Variants in HIPK2 observed in about 807,000 individuals in gnomAD.
The protein encoded by HIPK2 is homeodomain interacting protein kinase 2, also known as homeodomain-interacting protein kinase 2.
HIPK2 carries 27 observed loss-of-function variants against 113.7 expected under a neutral mutation model. The observed-to-expected ratio is 0.24, with a 90% CI of 0.17 to 0.33. HIPK2 has a LOEUF of 0.33. Ranked by LOEUF, HIPK2 falls within the 10% of genes least tolerant of loss-of-function variation. The pLI, the probability that HIPK2 is intolerant of heterozygous loss-of-function variation, is 1.00. For synonymous variants in HIPK2, 631 were observed against 642.2 expected (o/e 0.98, Z 0.26); for missense variants, 1,257 against 1,588.0 (o/e 0.79, Z 3.54).
intron 12 of HIPK2, among the ~76,000 whole-genome samples, chr7:139,587,690 G>GC (rs1213664375): frequency 1.3e-5 from 2 of 151,778 alleles, no homozygotes; most frequent in African/African-American, 4.8e-5. Context: ...AGCAGCCTGG[G>GC]CAACACAGTG....
At chr7:139,638,860 T>A (rs1357656268) in intron 2 of HIPK2, among the ~76,000 whole-genome samples, 1 of 152,124 alleles carries the variant, frequency 6.6e-6, no homozygotes, top group Non-Finnish European at 1.5e-5. Context: ...GGTTTCACCA[T>A]GTTAGCTAGG....
chr7:139,720,956 T>C (rs949703342), intron 1 of HIPK2, among the ~76,000 whole-genome samples: 2 of 152,164 alleles, frequency 1.3e-5, no homozygotes, highest in East Asian at 1.9e-4. Context: ...TTATTTGTTA[T>C]TGGGATGACA....
At chr7:139,627,562 G>C (rs1346296750) in intron 5 of HIPK2, among the ~76,000 whole-genome samples, 2 of 152,126 alleles carry the variant, frequency 1.3e-5, no homozygotes, top group Non-Finnish European at 2.9e-5. Context: ...CTTGTTTTGT[G>C]GTGATTTCTG....
chr7:139,616,147 C>T (rs1250572996), intron 7 of HIPK2, among the ~76,000 whole-genome samples: 2 of 152,130 alleles, frequency 1.3e-5, no homozygotes, highest in Non-Finnish European at 2.9e-5. Context: ...AACTTCTGCT[C>T]GGTGGTTCCA....
At chr7:139,747,262 C>T (rs2117097321) in intron 1 of HIPK2, among the ~76,000 whole-genome samples, 1 of 152,288 alleles carries the variant, frequency 6.6e-6, no homozygotes, top group East Asian at 1.9e-4. Flanking sequence ...GTGGCTGAGC[C>T]TCAGTAGCTT....
chr7:139,601,275 TA>T (rs1445153378), intron 10 of HIPK2, among the ~76,000 whole-genome samples: 2 of 151,904 alleles, frequency 1.3e-5, no homozygotes, highest in African/African-American at 4.8e-5. Flanking sequence ...CTTAATTTTA[TA>T]AAAAAAATTT....
chr7:139,698,327 C>T (rs1417815840), intron 2 of HIPK2, among the ~76,000 whole-genome samples: 1 of 152,138 alleles, frequency 6.6e-6, no homozygotes, highest in African/African-American at 2.4e-5. Flanking sequence ...CATTGTATGT[C>T]TATACCACCA....
intron 7 of HIPK2, among the ~76,000 whole-genome samples, chr7:139,615,298 T>C (rs1410932997): frequency 6.6e-6 from 1 of 152,148 alleles, no homozygotes; most frequent in Non-Finnish European, 1.5e-5. Flanking sequence ...GAGAGGGACA[T>C]GTTGAGCCTG....
At chr7:139,679,903 A>G (rs952968950) in intron 2 of HIPK2, among the ~76,000 whole-genome samples, 3 of 151,934 alleles carry the variant, frequency 2.0e-5, no homozygotes, top group East Asian at 1.9e-4. Context: ...CTTAAAATAA[A>G]TATTTAACAT....
At chr7:139,672,320 C>G (rs900036872) in intron 2 of HIPK2, among the ~76,000 whole-genome samples, 3 of 152,114 alleles carry the variant, frequency 2.0e-5, no homozygotes, top group Non-Finnish European at 2.9e-5. Flanking sequence ...TATAAAATAT[C>G]TTTCATAGCG....
At chr7:139,736,511 G>C (rs1287993377) in intron 1 of HIPK2, among the ~76,000 whole-genome samples, 1 of 152,170 alleles carries the variant, frequency 6.6e-6, no homozygotes, top group Non-Finnish European at 1.5e-5. Flanking sequence ...ACACCCTCCT[G>C]GCACAGATGC....
At chr7:139,652,390 T>C (rs74713882) in intron 2 of HIPK2, among the ~76,000 whole-genome samples, 2 of 152,270 alleles carry the variant, frequency 1.3e-5, no homozygotes, top group African/African-American at 4.8e-5. Context: ...ATTGAGTGAT[T>C]ATGTAGTAAG....
At chr7:139,713,504 G>C (rs948118710) in intron 2 of HIPK2, among the ~76,000 whole-genome samples, 1 of 152,196 alleles carries the variant, frequency 6.6e-6, no homozygotes, top group Non-Finnish European at 1.5e-5. Context: ...AAGATGACAA[G>C]GGGGTCTTAA....
At chr7:139,727,564 A>G (rs1476374094) in intron 1 of HIPK2, among the ~76,000 whole-genome samples, 1 of 152,186 alleles carries the variant, frequency 6.6e-6, no homozygotes, top group East Asian at 1.9e-4. Flanking sequence ...CTATCTACTT[A>G]TTGACTCATT....
chr7:139,637,403 G>C (rs115073694), intron 2 of HIPK2, among the ~76,000 whole-genome samples: 4,543 of 152,282 alleles, frequency 0.03, 223 homozygotes, highest in African/African-American at 0.1. Flanking sequence ...TTGCAGGCCC[G>C]TTGGTTTCCT....
chr7:139,611,695 C>T (rs1799832573), intron 9 of HIPK2, among the ~76,000 whole-genome samples: 1 of 151,938 alleles, frequency 6.6e-6, no homozygotes, highest in Non-Finnish European at 1.5e-5. Context: ...GCATGTGCCA[C>T]CATGCCCAGC....
intron 10 of HIPK2, among the ~76,000 whole-genome samples, chr7:139,603,307 C>T (rs1338900186): frequency 2.0e-5 from 3 of 152,032 alleles, no homozygotes; most frequent in Non-Finnish European, 4.4e-5. Context: ...TTGGGGACAA[C>T]TTGGAGGGTT....
intron 2 of HIPK2, among the ~76,000 whole-genome samples, chr7:139,694,659 A>AT (rs1794514379): frequency 6.6e-6 from 1 of 152,202 alleles, no homozygotes; most frequent in Non-Finnish European, 1.5e-5. Context: ...CCATGGTCAC[A>AT]TAAAAACAGA....
At chr7:139,732,442 G>A (rs916984530) in intron 1 of HIPK2, among the ~76,000 whole-genome samples, 13 of 152,164 alleles carry the variant, frequency 8.5e-5, no homozygotes, top group African/African-American at 2.4e-4. Flanking sequence ...TTCTTGTAGC[G>A]GGGCGCCTTC....
Sources: allele counts gnomAD v4.1 joint callset (sites outside exome capture counted in the v4.1 genomes callset), GRCh38; gene constraint gnomAD v4.1.1; transcripts MANE v1.5; gene names NCBI Gene and HGNC (gene_info 2026-07-23, HGNC 2026-07-21).